Variants in ULK4 observed in about 807,000 individuals in gnomAD.
The protein encoded by ULK4 is inactive serine/threonine-protein kinase ULK4.
Under a neutral mutation model 160.6 loss-of-function variants are expected in ULK4, and 133 were observed. The observed-to-expected ratio is 0.83, with a 90% CI of 0.72 to 0.96. The LOEUF (loss-of-function observed/expected upper bound fraction) is 0.96, where lower values mean the gene tolerates loss of function less well. ULK4 is among the 40% of genes least tolerant of loss of function. The pLI is 0.00. For synonymous variants in ULK4, 534 were observed against 539.8 expected, an observed-to-expected ratio of 0.99 and a Z score of 0.15; for missense variants, 1,580 against 1,499.5, an observed-to-expected ratio of 1.05 and a Z score of -0.89.
intron 35 of ULK4, among the ~76,000 whole-genome samples, chr3:41,261,162 C>G (rs181774806): frequency 6.6e-6 from 1 of 151,880 alleles, no homozygotes; most frequent in African/African-American, 2.4e-5. Context: ...GTTGGATTCA[C>G]TTTTACCTAT....
chr3:41,704,313 G>A (rs1475540839), intron 27 of ULK4, among the ~76,000 whole-genome samples: 1 of 152,144 alleles, frequency 6.6e-6, no homozygotes, highest in Non-Finnish European at 1.5e-5. Context: ...TTCAGTGAGA[G>A]GGGCAGGGGT....
chr3:41,856,537 G>GTGTATATATATACACA (rs2042347193), intron 17 of ULK4, among the ~76,000 whole-genome samples: 6 of 87,846 alleles, frequency 6.8e-5, no homozygotes, highest in East Asian at 3.2e-4. Context: ...ATATATGTAT[G>GTGTATATATATACACA]TATATATATA....
intron 32 of ULK4, among the ~76,000 whole-genome samples, chr3:41,532,068 C>T (rs1346744678): frequency 6.6e-6 from 1 of 152,178 alleles, no homozygotes; most frequent in Non-Finnish European, 1.5e-5. Context: ...GGTAGACAGT[C>T]ACAAGTTCCC....
intron 31 of ULK4, among the ~76,000 whole-genome samples, chr3:41,587,651 G>T (rs2030926263): frequency 6.6e-6 from 1 of 152,092 alleles, no homozygotes; most frequent in Non-Finnish European, 1.5e-5. Flanking sequence ...ACTAGATAAA[G>T]TCACATGAAG....
At chr3:41,533,985 T>G (rs536678132) in intron 32 of ULK4, among the ~76,000 whole-genome samples, 2 of 152,232 alleles carry the variant, frequency 1.3e-5, no homozygotes, top group South Asian at 2.1e-4. Flanking sequence ...TTTTTTGTAT[T>G]TTTAGTAGAG....
intron 35 of ULK4, among the ~76,000 whole-genome samples, chr3:41,326,930 T>C (rs1176695575): frequency 6.6e-6 from 1 of 152,210 alleles, no homozygotes; most frequent in Admixed American, 6.5e-5. Context: ...ACTGTGGCAA[T>C]GTTTCACGTA....
intron 32 of ULK4, among the ~76,000 whole-genome samples, chr3:41,559,696 A>C (rs979884163): frequency 1.3e-5 from 2 of 152,068 alleles, no homozygotes; most frequent in African/African-American, 4.8e-5. Flanking sequence ...GTCTGTTCAT[A>C]TCCTTTGACC....
chr3:41,786,017 C>G (rs1188978280), intron 21 of ULK4, among the ~76,000 whole-genome samples: 1 of 152,130 alleles, frequency 6.6e-6, no homozygotes, highest in Non-Finnish European at 1.5e-5. Flanking sequence ...CAGAATGCAC[C>G]TTCTCAGAGA....
intron 30 of ULK4, among the ~76,000 whole-genome samples, chr3:41,644,973 A>G (rs1357671502): frequency 6.6e-6 from 1 of 151,516 alleles, no homozygotes; most frequent in African/African-American, 2.4e-5. Flanking sequence ...TTTCTAGTTT[A>G]TTTGTGTAGA....
rs376639344 is a variant in ULK4, at chr3:41,463,244, C to T, written c.3236G>A (p.Ser1079Asn). The change falls in exon 33 of 37, where the codon AGT becomes AAT. Residue 1079 changes from serine to asparagine, a missense_variant. Transcript: ENST00000301831. ...MELLYEQGLV[S>N]HICNLLTETA... ...TTCAGTGAGCAGGTTACAGATGTGA[C>T]TGACAAGTCCTGAGGGTAAAAAAGG... 8.4e-5 allele frequency: 136 copies of T among 1,612,154 alleles called. No homozygotes were observed. The highest frequency in any genetic ancestry group is 1.1e-4 in the Non-Finnish European group (132 of 1,178,818).
chr3:41,323,218 T>G (rs1256686), intron 35 of ULK4, among the ~76,000 whole-genome samples: 13,602 of 152,148 alleles, frequency 0.089, 864 homozygotes, highest in Middle Eastern at 0.19. Context: ...ATTACAGGCA[T>G]GAGCCACCAT....
At chr3:41,263,040 G>T (rs2078973264) in intron 35 of ULK4, among the ~76,000 whole-genome samples, 2 of 152,140 alleles carry the variant, frequency 1.3e-5, no homozygotes, top group African/African-American at 4.8e-5. Flanking sequence ...TGCCCAGGAG[G>T]ACCCAAACCA....
intron 21 of ULK4, among the ~76,000 whole-genome samples, chr3:41,771,193 C>T (rs2039353315): frequency 6.6e-6 from 1 of 152,188 alleles, no homozygotes; most frequent in Non-Finnish European, 1.5e-5. Flanking sequence ...TAAAATACCA[C>T]ATAATAATCT....
rs573467007 is a variant in ULK4, at chr3:41,776,388, A to C, written c.2193+13273T>G. ...AGACAGTTATGTAAATTTTCTTTTA[A>C]GTTTTTTTCAAGTTTTCCTTTTCAT... On this transcript the variant is annotated intron_variant, in intron 21 of 36. Coordinates refer to ENST00000301831, the MANE Select transcript of ULK4 (RefSeq NM_017886.4). Among the ~76,000 whole-genome samples, 18 of 150,862 alleles carry C rather than the reference A, an allele frequency of 1.2e-4. 1 individual carries two copies. The East Asian group carries it at 3.3e-3, about 27-fold the overall frequency.
intron 21 of ULK4, among the ~76,000 whole-genome samples, chr3:41,771,770 T>C (rs1045341573): frequency 6.6e-5 from 10 of 152,176 alleles, no homozygotes; most frequent in Non-Finnish European, 1.5e-4. Flanking sequence ...ACGTAAAACA[T>C]TATAGCAACT....
At chr3:41,751,849 A>G (rs867629094) in intron 22 of ULK4, among the ~76,000 whole-genome samples, 1 of 152,226 alleles carries the variant, frequency 6.6e-6, no homozygotes, top group Non-Finnish European at 1.5e-5. Context: ...TAGGCACAGG[A>G]AACAGCAACC....
At chr3:41,585,445 T>G (rs1286475705) in intron 31 of ULK4, among the ~76,000 whole-genome samples, 2 of 152,186 alleles carry the variant, frequency 1.3e-5, no homozygotes, top group East Asian at 3.9e-4. Flanking sequence ...CAAATGGCAC[T>G]GGGGGAAACT....
intron 35 of ULK4, among the ~76,000 whole-genome samples, chr3:41,378,077 A>T: frequency 6.6e-6 from 1 of 151,756 alleles, no homozygotes; most frequent in Admixed American, 6.6e-5. Context: ...CTTTGTAGGG[A>T]CATGGATGAA....
At chr3:41,470,102 T>C (rs2083949311) in intron 32 of ULK4, among the ~76,000 whole-genome samples, 1 of 146,402 alleles carries the variant, frequency 6.8e-6, no homozygotes, top group Non-Finnish European at 1.5e-5. Flanking sequence ...TAGGGATAGA[T>C]GCCAACATTC....
Sources: allele counts gnomAD v4.1 joint callset (sites outside exome capture counted in the v4.1 genomes callset), GRCh38; gene constraint gnomAD v4.1.1; transcripts MANE v1.5; gene names NCBI Gene and HGNC (gene_info 2026-07-23, HGNC 2026-07-21).